ESD: variants seen among roughly 807,000 people sequenced by gnomAD.
ESD encodes S-formylglutathione hydrolase.
ESD carries 34 observed loss-of-function variants against 38.1 expected under a neutral mutation model. The ratio of observed to expected loss-of-function variants is 0.89; its 90% CI spans 0.68 to 1.19. The LOEUF (loss-of-function observed/expected upper bound fraction) is 1.19. Ranked by LOEUF, ESD falls within the 50% of genes most tolerant of loss-of-function variation. ESD has a pLI of 0.00. For missense variants in ESD, 334 were observed against 327.2 expected (o/e 1.02, Z -0.16); for synonymous variants, 97 against 107.0 (o/e 0.91, Z 0.58).
intron 3 of ESD, among the ~76,000 whole-genome samples, chr13:46,787,717 T>C (rs1241721473): frequency 1.3e-5 from 2 of 151,942 alleles, no homozygotes; most frequent in African/African-American, 4.8e-5. Context: ...TATCTTTTTA[T>C]CAAAGTTATG....
Position 46,781,524 on chromosome 13 carries a change from C to G in ESD, c.473G>C (p.Cys158Ser). The change falls in exon 7 of 10, where the codon TGT (cysteine) becomes TCT (serine). Residue 158 changes from cysteine to serine, a missense_variant. Coordinates refer to ENST00000378720, the MANE Select transcript of ESD (RefSeq NM_001984.2). The part of the protein sequence containing the change: ...HSMGGHGALI[C>S]ALKNPGKYKS... Reference sequence around the variant, plus strand: ...GTATTTTCCAGGATTTTTCAAAGCACAGATCAGAGCTCCATGACCTCCCAT... The same window carrying G: ...GTATTTTCCAGGATTTTTCAAAGCAGAGATCAGAGCTCCATGACCTCCCAT... 2 of 1,604,988 alleles carry G rather than the reference C, an allele frequency of 1.2e-6. No individual in the cohort carries two copies. The highest frequency in any genetic ancestry group is 2.2e-5 in the South Asian group (2 of 89,680).
chr13:46,791,495 T>A (rs1192273083), intron 2 of ESD, 75 bp from the exon 3 acceptor site: 13 of 1,067,624 alleles, frequency 1.2e-5, no homozygotes, highest in Non-Finnish European at 1.5e-5. Flanking sequence ...CTAATTGCCT[T>A]CAGATAAATT....
chr13:46,792,340 A>G (rs916254112), intron 2 of ESD, among the ~76,000 whole-genome samples: 13 of 152,052 alleles, frequency 8.5e-5, no homozygotes, highest in African/African-American at 2.4e-5. Flanking sequence ...TGATCTTCTC[A>G]GAGAAATGCA....
intron 8 of ESD, among the ~76,000 whole-genome samples, chr13:46,778,119 T>C (rs1216657867): frequency 2.0e-5 from 3 of 152,000 alleles, no homozygotes; most frequent in Admixed American, 1.3e-4. Context: ...TTTTTTGCTG[T>C]TGAACAGCAC....
Position 46,779,934 on chromosome 13 carries a change from C to T in ESD, c.600+1G>A. ...TATTAAGACAGCCATTCAGTACCTACCTTCCATTTACTTTGATCTGTTCCC... is the reference window on the plus strand; with the variant it reads ...TATTAAGACAGCCATTCAGTACCTATCTTCCATTTACTTTGATCTGTTCCC... On this transcript the variant is annotated splice_donor_variant, in intron 8 of 9. Transcript: ENST00000378720. LOFTEE classifies it high-confidence loss of function. The T allele has an allele frequency of 6.3e-7, 1 of 1,598,436 alleles. No individual in the cohort carries two copies. The highest frequency in any genetic ancestry group is 1.3e-5 in the African/African-American group (1 of 74,262).
intron 6 of ESD, 64 bp downstream of exon 6, chr13:46,782,603 C>CT (rs35872816): frequency 6.4e-7 from 1 of 1,562,004 alleles, no homozygotes; most frequent in Non-Finnish European, 8.7e-7. Context: ...ATTGTAAGGA[C>CT]TTTGTGTTCA....
intron 9 of ESD, among the ~76,000 whole-genome samples, chr13:46,774,049 A>G (rs1167265018): frequency 1.3e-5 from 2 of 152,170 alleles, no homozygotes; most frequent in African/African-American, 2.4e-5. Flanking sequence ...AGGGAAACAG[A>G]TATCTCAAAA....
intron 7 of ESD, 79 bp downstream of exon 7, chr13:46,781,417 G>A: frequency 7.5e-7 from 1 of 1,327,900 alleles, no homozygotes; most frequent in African/African-American, 1.5e-5. Context: ...TAACAATATT[G>A]TAATTTTACT....
At chr13:46,788,848 T>C (rs775317627) in intron 3 of ESD, among the ~76,000 whole-genome samples, 5 of 152,078 alleles carry the variant, frequency 3.3e-5, no homozygotes, top group Admixed American at 2.6e-4. Context: ...CCAACCCTGA[T>C]TGGTTTCATA....
At chr13:46,772,116 T>C (rs1307883372) in intron 9 of ESD, among the ~76,000 whole-genome samples, 1 of 152,198 alleles carries the variant, frequency 6.6e-6, no homozygotes, top group Non-Finnish European at 1.5e-5. Flanking sequence ...TAAATCCTGT[T>C]AACAATTCCT....
At chr13:46,778,528 G>A (rs1046215909) in intron 8 of ESD, among the ~76,000 whole-genome samples, 5 of 151,656 alleles carry the variant, frequency 3.3e-5, no homozygotes, top group African/African-American at 7.3e-5. Flanking sequence ...CTGTCACTTG[G>A]AGAAAAGTAC....
chr13:46,775,151 A>G (rs8001307), intron 9 of ESD, among the ~76,000 whole-genome samples: 1,867 of 152,138 alleles, frequency 0.012, 36 homozygotes, highest in African/African-American at 0.041. Context: ...ATCTCTGTAC[A>G]CTAGATATCA....
chr13:46,790,389 G>C (rs904541959), intron 3 of ESD, among the ~76,000 whole-genome samples: 3 of 152,102 alleles, frequency 2.0e-5, no homozygotes, highest in African/African-American at 7.2e-5. Context: ...GCAAATCTCA[G>C]TATCTTGAAA....
intron 3 of ESD, among the ~76,000 whole-genome samples, chr13:46,788,281 C>T (rs150062051): frequency 8.5e-5 from 13 of 152,126 alleles, no homozygotes; most frequent in African/African-American, 2.6e-4. Context: ...CCATTCTCTG[C>T]ATATTGGTGA....
rs1874946126 is a variant in ESD, at chr13:46,780,022, TG to T, written c.512del (p.Ala171AspfsTer38). On this transcript the variant is annotated frameshift_variant, in exon 8 of 10. Transcript: ENST00000378720. LOFTEE classifies it high-confidence loss of function. ...GTACAGGGTTGCAAATTGGAGCAAATGCTGACACAGACTTCAGAAACAAAAG... is the reference window on the plus strand; with the variant it reads ...GTACAGGGTTGCAAATTGGAGCAAATCTGACACAGACTTCAGAAACAAAAG... Reference protein sequence around the residue: ...KNPGKYKSVSAFAPICNPVLC... With the variant: ...KNPGKYKSVSXFAPICNPVLC... The T allele has an allele frequency of 1.4e-5, 22 of 1,592,612 alleles. No individual in the cohort carries two copies. Among genetic ancestry groups the T allele is most frequent in the Non-Finnish European group, 1.9e-5 (22 of 1,168,384 alleles).
chr13:46,789,869 G>A (rs1875329631), intron 3 of ESD, among the ~76,000 whole-genome samples: 1 of 151,804 alleles, frequency 6.6e-6, no homozygotes. Context: ...AGGCTGGAGT[G>A]CAGTGGTGCC....
At chr13:46,775,563 G>T in intron 9 of ESD, 1 of 448,758 alleles carries the variant, frequency 2.2e-6, no homozygotes, top group Non-Finnish European at 4.6e-6. Context: ...GGTCAAAGCT[G>T]GCAAGAAAAT....
At position 46,782,697 on chromosome 13, in the gene ESD, G is replaced by A. The variant is rs986454905; in HGVS notation, c.351C>T (p.Asn117=). Residue 117 remains asparagine, a synonymous_variant, in exon 6 of 10, where the codon AAC becomes AAT. Coordinates refer to ENST00000378720, the MANE Select transcript of ESD (RefSeq NM_001984.2). The part of the protein sequence containing the change: ...VDATEDPWKT[N]YRMYSYVTEE... ...CTGTGACATAAGAGTACATTCTGTA[G>A]TTGGTTTTCCAAGGATCTTCAGTGG... 8 of 1,612,242 alleles carry A rather than the reference G, an allele frequency of 5.0e-6. No individual in the cohort carries two copies. The highest frequency in any genetic ancestry group is 6.8e-6 in the Non-Finnish European group (8 of 1,178,788).
intron 6 of ESD, among the ~76,000 whole-genome samples, chr13:46,782,267 G>A (rs1875030165): frequency 6.6e-6 from 1 of 151,670 alleles, no homozygotes; most frequent in Non-Finnish European, 1.5e-5. Flanking sequence ...TAGTAACAAT[G>A]AAAATCATAT....
Sources: gnomAD v4.1 joint callset for allele counts (sites outside exome capture counted in the v4.1 genomes callset) on GRCh38, gnomAD v4.1.1 for gene constraint, MANE v1.5 for transcripts, NCBI Gene and HGNC (gene_info 2026-07-23, HGNC 2026-07-21) for gene names.